Variants in PCSK2 observed in about 807,000 individuals in gnomAD.
The protein encoded by PCSK2 is proprotein convertase subtilisin/kexin type 2, also known as neuroendocrine convertase 2.
Under a neutral mutation model 69.7 loss-of-function variants are expected in PCSK2, and 14 were observed. The ratio of observed to expected loss-of-function variants is 0.20; its 90% CI spans 0.13 to 0.31. The LOEUF (loss-of-function observed/expected upper bound fraction) is 0.31. Ranked by LOEUF, PCSK2 falls within the 10% of genes least tolerant of loss-of-function variation. PCSK2 has a pLI of 1.00. For missense variants in PCSK2, 544 were observed against 842.5 expected (o/e 0.65, Z 4.39); for synonymous variants, 307 against 320.7 (o/e 0.96, Z 0.46).
rs73255640 is a variant in PCSK2 at position 17,362,353 on chromosome 20, A to C, written c.505+1713A>C. On this transcript the variant is annotated intron_variant, in intron 4 of 11. Coordinates refer to ENST00000262545, the MANE Select transcript of PCSK2 (RefSeq NM_002594.5). Reference sequence around the variant, plus strand: ...AGTCAATTACTGCTGCAGAACAAAGAATCCCAACATTGAGTGGTTTAAAAA... The same window carrying C: ...AGTCAATTACTGCTGCAGAACAAAGCATCCCAACATTGAGTGGTTTAAAAA... Among the ~76,000 whole-genome samples the C allele has an allele frequency of 3.0e-3, 454 of 152,350 alleles. 3 individuals are homozygous for C. The highest frequency in any genetic ancestry group is 0.01 in the African/African-American group (430 of 41,590).
At chr20:17,420,249 C>A (rs113985267) in intron 6 of PCSK2, among the ~76,000 whole-genome samples, 1 of 152,168 alleles carries the variant, frequency 6.6e-6, no homozygotes, top group Non-Finnish European at 1.5e-5. Context: ...TAAGCTGATA[C>A]CTTACCCTGG....
intron 8 of PCSK2, among the ~76,000 whole-genome samples, chr20:17,452,030 TCACCA>T (rs1699207514): frequency 1.3e-5 from 2 of 150,342 alleles, no homozygotes; most frequent in Non-Finnish European, 3.0e-5. Flanking sequence ...CAGACATGTA[TCACCA>T]CACCCAGTTA....
At chr20:17,330,943 G>A (rs529172932) in intron 2 of PCSK2, among the ~76,000 whole-genome samples, 1 of 152,226 alleles carries the variant, frequency 6.6e-6, no homozygotes, top group South Asian at 2.1e-4. Flanking sequence ...TCATGAAGGG[G>A]AAAAAAATCT....
intron 11 of PCSK2, among the ~76,000 whole-genome samples, chr20:17,470,243 G>A (rs564391447): frequency 3.7e-4 from 56 of 152,314 alleles, no homozygotes; most frequent in African/African-American, 1.3e-3. Context: ...ACAATAGCTT[G>A]TGGCTATTGA....
chr20:17,452,773 G>A (rs1216737682), intron 8 of PCSK2, among the ~76,000 whole-genome samples: 2 of 152,302 alleles, frequency 1.3e-5, no homozygotes, highest in Middle Eastern at 3.4e-3. Flanking sequence ...ATTGCCTTGG[G>A]GTAAGAAAGT....
intron 5 of PCSK2, among the ~76,000 whole-genome samples, chr20:17,397,459 A>G (rs890681109): frequency 1.3e-5 from 2 of 150,174 alleles, no homozygotes; most frequent in East Asian, 3.9e-4. Context: ...GCAGCCCTCA[A>G]CTACCAGAAG....
rs138841783 is a variant in PCSK2 at position 17,273,331 on chromosome 20, T to C, written c.282+12987T>C. Reference sequence around the variant, plus strand: ...ACCTTCACTAATTGTCTTCATTTTATCATCTCTACCATTAAATAACAATGA... The same window carrying C: ...ACCTTCACTAATTGTCTTCATTTTACCATCTCTACCATTAAATAACAATGA... On this transcript the variant is annotated intron_variant, in intron 2 of 11. Coordinates refer to ENST00000262545, the MANE Select transcript of PCSK2 (RefSeq NM_002594.5). 1.8e-3 allele frequency among the ~76,000 whole-genome samples: 276 copies of C among 152,260 alleles called. 1 individual carries two copies. The highest frequency in any genetic ancestry group is 6.4e-3 in the African/African-American group (268 of 41,562).
intron 1 of PCSK2, among the ~76,000 whole-genome samples, chr20:17,257,893 C>T (rs78110257): frequency 0.015 from 2,317 of 152,258 alleles, 30 homozygotes; most frequent in Non-Finnish European, 0.026. Flanking sequence ...TCCCTAGATT[C>T]TTTTACAAAG....
chr20:17,317,808 A>G (rs1481957333), intron 2 of PCSK2, among the ~76,000 whole-genome samples: 1 of 152,238 alleles, frequency 6.6e-6, no homozygotes, highest in African/African-American at 2.4e-5. Context: ...CACATAAACA[A>G]CACATGAAAG....
At chr20:17,450,310 G>A (rs896942428) in intron 8 of PCSK2, among the ~76,000 whole-genome samples, 4 of 152,130 alleles carry the variant, frequency 2.6e-5, no homozygotes, top group Non-Finnish European at 5.9e-5. Context: ...TTACAGGCAT[G>A]AGACACCGCG....
chr20:17,439,615 C>T (rs1395156831), intron 8 of PCSK2, among the ~76,000 whole-genome samples: 1 of 152,194 alleles, frequency 6.6e-6, no homozygotes, highest in Non-Finnish European at 1.5e-5. Flanking sequence ...AGAAATCTAA[C>T]TTTGGATCCT....
intron 1 of PCSK2, among the ~76,000 whole-genome samples, chr20:17,251,846 G>A (rs1986994111): frequency 6.6e-6 from 1 of 152,166 alleles, no homozygotes; most frequent in South Asian, 2.1e-4. Flanking sequence ...ACAGCTAGAG[G>A]ATGACTGGTA....
At chr20:17,408,663 C>T (rs1460572888) in intron 5 of PCSK2, among the ~76,000 whole-genome samples, 1 of 152,166 alleles carries the variant, frequency 6.6e-6, no homozygotes, top group South Asian at 2.1e-4. Flanking sequence ...ATTGTATTCC[C>T]GTACTTAGCA....
At chr20:17,241,688 G>T (rs991524879) in intron 1 of PCSK2, among the ~76,000 whole-genome samples, 1 of 152,178 alleles carries the variant, frequency 6.6e-6, no homozygotes, top group Non-Finnish European at 1.5e-5. Flanking sequence ...ACACTGAACG[G>T]CTGGTAGAGC....
rs569982642 is a variant in PCSK2, at chr20:17,254,985, A to C, written c.178-5255A>C. Among the ~76,000 whole-genome samples the C allele has an allele frequency of 2.0e-5, 3 of 152,338 alleles. No individual in the cohort carries two copies. In the East Asian group the frequency reaches 5.8e-4, roughly 29 times the overall value. Reference sequence around the variant, plus strand: ...TGCTTGGATTGTTCATTGCTTGTGTATAGAAATATAATTGATTTTGCATGT... The same window carrying C: ...TGCTTGGATTGTTCATTGCTTGTGTCTAGAAATATAATTGATTTTGCATGT... On this transcript the variant is annotated intron_variant, in intron 1 of 11. Coordinates refer to ENST00000262545, the MANE Select transcript of PCSK2 (RefSeq NM_002594.5).
At chr20:17,245,549 G>T (rs1479025410) in intron 1 of PCSK2, among the ~76,000 whole-genome samples, 1 of 152,054 alleles carries the variant, frequency 6.6e-6, no homozygotes, top group African/African-American at 2.4e-5. Flanking sequence ...TTCTTCTCTT[G>T]TTTTCTATAG....
intron 5 of PCSK2, among the ~76,000 whole-genome samples, chr20:17,376,695 A>T (rs1460927658): frequency 6.6e-6 from 1 of 152,206 alleles, no homozygotes; most frequent in African/African-American, 2.4e-5. Context: ...GCATTCAATC[A>T]TTCATTCATT....
intron 6 of PCSK2, among the ~76,000 whole-genome samples, chr20:17,410,813 C>T (rs2123305648): frequency 6.6e-6 from 1 of 152,288 alleles, no homozygotes. Flanking sequence ...TTGGCAGTGG[C>T]CATCCAGGGC....
intron 2 of PCSK2, among the ~76,000 whole-genome samples, chr20:17,332,619 C>CA (rs750200352): frequency 1.3e-5 from 2 of 152,162 alleles, no homozygotes; most frequent in Non-Finnish European, 2.9e-5. Context: ...GACCCTGCTC[C>CA]AGACTTACGG....
Sources: gnomAD v4.1 joint callset for allele counts (sites outside exome capture counted in the v4.1 genomes callset) on GRCh38, gnomAD v4.1.1 for gene constraint, MANE v1.5 for transcripts, NCBI Gene and HGNC (gene_info 2026-07-23, HGNC 2026-07-21) for gene names.